Variants in ZNF827 observed in about 807,000 individuals in gnomAD.
ZNF827 encodes zinc finger protein 827.
In ZNF827, 13 loss-of-function variants were observed where a neutral mutation model predicts 102.4. The observed-to-expected ratio is 0.13, with a 90% confidence interval of 0.08 to 0.20. ZNF827 has a LOEUF of 0.20. ZNF827 is among the 10% of genes least tolerant of loss of function. ZNF827 has a pLI of 1.00. For synonymous variants in ZNF827, 523 were observed against 536.2 expected (o/e 0.98, Z 0.34); for missense variants, 1,103 against 1,344.4 (o/e 0.82, Z 2.81).
intron 1 of ZNF827, among the ~76,000 whole-genome samples, chr4:145,931,307 A>G (rs901842305): frequency 5.3e-5 from 8 of 152,246 alleles, no homozygotes; most frequent in Admixed American, 2.6e-4. Context: ...TACACCTGGC[A>G]AAGCAGGAGA....
At chr4:145,843,045 C>G (rs1745575980) in intron 7 of ZNF827, among the ~76,000 whole-genome samples, 1 of 151,978 alleles carries the variant, frequency 6.6e-6, no homozygotes, top group Non-Finnish European at 1.5e-5. Flanking sequence ...AAACAGGAGT[C>G]AGGAAAGAAG....
chr4:145,872,362 GA>G (rs1326908560), intron 4 of ZNF827, among the ~76,000 whole-genome samples: 1 of 152,124 alleles, frequency 6.6e-6, no homozygotes, highest in Non-Finnish European at 1.5e-5. Flanking sequence ...GCACACAGAG[GA>G]AAGTCTGCAC....
intron 7 of ZNF827, among the ~76,000 whole-genome samples, chr4:145,825,523 G>A (rs939781590): frequency 2.6e-5 from 4 of 152,180 alleles, no homozygotes; most frequent in Non-Finnish European, 5.9e-5. Context: ...GGCCAATGTC[G>A]CCAGCCAGCA....
chr4:145,938,436 T>C lies in ZNF827; in HGVS notation c.-29A>G, dbSNP rs1561099484. The C allele has an allele frequency of 1.3e-6, 2 of 1,598,202 alleles. No homozygotes were observed. Among genetic ancestry groups the C allele is most frequent in the South Asian group, 2.2e-5 (2 of 90,592 alleles). ...CCCCCTTTTCTCACATTCTCCTCCT[T>C]GGTTAATGTGAGATCAAATAAACCC... On this transcript the variant is annotated 5_prime_UTR_variant, in exon 1 of 15. Transcript: ENST00000508784.
chr4:145,848,151 T>G (rs1254929727), intron 6 of ZNF827, among the ~76,000 whole-genome samples: 1 of 152,216 alleles, frequency 6.6e-6, no homozygotes, highest in Non-Finnish European at 1.5e-5. Context: ...TAAAGTTATA[T>G]TGTTTTTAGA....
At chr4:145,828,015 C>A (rs1743853874) in intron 7 of ZNF827, among the ~76,000 whole-genome samples, 1 of 152,216 alleles carries the variant, frequency 6.6e-6, no homozygotes, top group African/African-American at 2.4e-5. Context: ...CTCGTTCATG[C>A]TGCTCAGTGA....
At chr4:145,886,648 A>T (rs1339555693) in intron 3 of ZNF827, among the ~76,000 whole-genome samples, 3 of 152,188 alleles carry the variant, frequency 2.0e-5, no homozygotes, top group Non-Finnish European at 4.4e-5. Context: ...AAGAATGTAG[A>T]AAATAATGTC....
At chr4:145,869,994 G>A (rs1748539151) in intron 5 of ZNF827, among the ~76,000 whole-genome samples, 1 of 152,180 alleles carries the variant, frequency 6.6e-6, no homozygotes, top group Admixed American at 6.5e-5. Flanking sequence ...GAAAGCAGCA[G>A]TGGTTTCCAA....
intron 7 of ZNF827, chr4:145,835,305 C>T (rs922943678): frequency 1.8e-4 from 27 of 152,246 alleles, no homozygotes; most frequent in African/African-American, 6.5e-4. Context: ...GTAAGCCCGT[C>T]CCCTTCTTAA....
At chr4:145,816,307 G>T (rs571500025) in intron 8 of ZNF827, among the ~76,000 whole-genome samples, 135 of 152,318 alleles carry the variant, frequency 8.9e-4, no homozygotes, top group Non-Finnish European at 1.5e-3. Context: ...AGAGATAAAG[G>T]GGCGTGGCCA....
intron 4 of ZNF827, among the ~76,000 whole-genome samples, chr4:145,881,801 C>T (rs1222249606): frequency 6.6e-6 from 1 of 152,184 alleles, no homozygotes; most frequent in Non-Finnish European, 1.5e-5. Flanking sequence ...CACCATGCCC[C>T]GTTTCATGGT....
chr4:145,778,580 CCA>C, intron 9 of ZNF827, among the ~76,000 whole-genome samples: 2 of 152,068 alleles, frequency 1.3e-5, no homozygotes, highest in Non-Finnish European at 2.9e-5. Flanking sequence ...CCACTGCACT[CCA>C]GTCTGGGTGA....
chr4:145,849,313 T>G lies in ZNF827; in HGVS notation c.2221+9A>C, dbSNP rs563949750. 3.1e-6 allele frequency: 5 copies of G among 1,613,012 alleles called. No individual in the cohort carries two copies. The African/African-American group carries it at 4.0e-5, about 13-fold the overall frequency. On this transcript the variant is annotated intron_variant, in intron 6 of 14. Transcript: ENST00000508784. ...CCAATAATTGACATTTTCCTGTGCA[T>G]AAACATACCTGACAGTTGAAAGAGG...
At chr4:145,831,872 GGTT>G (rs1247744751) in intron 7 of ZNF827, 1 of 150,460 alleles carries the variant, frequency 6.6e-6, no homozygotes, top group Non-Finnish European at 1.5e-5. Context: ...TTTCTATTTT[GGTT>G]AAAAAATTTC....
chr4:145,826,120 G>C (rs1743654499), intron 7 of ZNF827, among the ~76,000 whole-genome samples: 1 of 152,200 alleles, frequency 6.6e-6, no homozygotes, highest in Non-Finnish European at 1.5e-5. Context: ...TTCATGCCAG[G>C]AGATAGCAAG....
At chr4:145,854,307 TG>T (rs1266928470) in intron 5 of ZNF827, among the ~76,000 whole-genome samples, 18 of 151,624 alleles carry the variant, frequency 1.2e-4, no homozygotes, top group Admixed American at 1.1e-3. Context: ...GACATGGAGA[TG>T]GGAAGTCATC....
intron 8 of ZNF827, among the ~76,000 whole-genome samples, chr4:145,813,509 GAATGTA>G (rs1560952754): frequency 6.6e-6 from 1 of 152,004 alleles, no homozygotes; most frequent in African/African-American, 2.4e-5. Flanking sequence ...AGGGGTCCGG[GAATGTA>G]TCCCCTGAGG....
chr4:145,774,368 G>A, intron 11 of ZNF827, 138 bp downstream of exon 11: 1 of 933,908 alleles, frequency 1.1e-6, no homozygotes, highest in African/African-American at 1.6e-5. Context: ...TGGCTTTCAT[G>A]CCTTGGGAAA....
intron 5 of ZNF827, among the ~76,000 whole-genome samples, chr4:145,861,893 C>A (rs1359470389): frequency 1.3e-5 from 2 of 152,146 alleles, no homozygotes; most frequent in African/African-American, 4.8e-5. Context: ...TGCAGCTATG[C>A]GACAGGGAGA....
Sources: allele counts gnomAD v4.1 joint callset (sites outside exome capture counted in the v4.1 genomes callset), GRCh38; gene constraint gnomAD v4.1.1; transcripts MANE v1.5; gene names NCBI Gene and HGNC (gene_info 2026-07-23, HGNC 2026-07-21).